Variants in ARHGEF10 observed in about 807,000 individuals in gnomAD.
The protein encoded by ARHGEF10 is Rho guanine nucleotide exchange factor (GEF) 10.
A neutral mutation model predicts 147.4 loss-of-function variants in ARHGEF10; 140 were observed. The observed-to-expected ratio is 0.95, with a 90% CI of 0.83 to 1.09. The LOEUF (loss-of-function observed/expected upper bound fraction) is 1.09. Among genes scored for constraint, ARHGEF10 ranks in the 50% least tolerant of loss-of-function variants. ARHGEF10 has a pLI of 0.00. For synonymous variants in ARHGEF10, 902 were observed against 695.8 expected (o/e 1.30, Z -4.67); for missense variants, 2,222 against 1,752.7 (o/e 1.27, Z -4.78).
At chr8:1,832,740 GCAGAGGCAGAGA>G (rs1803248558) in intron 1 of ARHGEF10, among the ~76,000 whole-genome samples, 1 of 28,818 alleles carries the variant, frequency 3.5e-5, no homozygotes, top group Admixed American at 4.1e-4. Flanking sequence ...AGAGGCAGAG[GCAGAGGCAGAGA>G]CAGAGACAGA....
chr8:1,829,573 G>A (rs1286340786), intron 1 of ARHGEF10, among the ~76,000 whole-genome samples: 1 of 152,248 alleles, frequency 6.6e-6, no homozygotes, highest in Non-Finnish European at 1.5e-5. Flanking sequence ...CTGCCTCCAC[G>A]GAAGCCGCGG....
Position 1,905,802 on chromosome 8 carries a change from G to A in ARHGEF10, c.1967+86G>A, listed in dbSNP as rs113045973. On this transcript the variant is annotated intron_variant, in intron 17 of 28. Transcript: ENST00000349830. Reference sequence around the variant, plus strand: ...GCACATGCATGACTTTGTTAATTCTGTCACTCAGACTGAACTGGTTTTTTG... The same window carrying A: ...GCACATGCATGACTTTGTTAATTCTATCACTCAGACTGAACTGGTTTTTTG... 2.1e-5 allele frequency: 32 copies of A among 1,553,346 alleles called. No homozygotes were observed. The African/African-American group carries it at 2.2e-4, about 10-fold the overall frequency.
At chr8:1,882,524 A>G in intron 9 of ARHGEF10, 111 bp from the exon 10 acceptor site, 2 of 920,044 alleles carry the variant, frequency 2.2e-6, no homozygotes, top group Admixed American at 2.0e-5. Flanking sequence ...CACGTGACAC[A>G]TGCGCTCACA....
chr8:1,825,920 GATTA>G, intron 1 of ARHGEF10: 1 of 612,248 alleles, frequency 1.6e-6, no homozygotes, highest in South Asian at 2.0e-5. Context: ...CACTGTTGCT[GATTA>G]ATAATATGTT....
Position 1,840,724 on chromosome 8 carries a change from C to T in ARHGEF10, c.-47-2629C>T, listed in dbSNP as rs182924859. On this transcript the variant is annotated intron_variant, in intron 1 of 28. Coordinates refer to ENST00000349830, the MANE Select transcript of ARHGEF10 (RefSeq NM_014629.4). ...TTCCTCCCATGAGCGTCATTCCCTA[C>T]ATTCACTGTTGTGGTCCAAGCATGT... Among the ~76,000 whole-genome samples the T allele has an allele frequency of 5.9e-4, 90 of 152,264 alleles. 1 individual carries two copies. Among genetic ancestry groups the T allele is most frequent in the Middle Eastern group, 3.4e-3 (1 of 294 alleles).
chr8:1,956,720 G>A, intron 28 of ARHGEF10, 29 bp from the exon 29 acceptor site: 1 of 1,613,406 alleles, frequency 6.2e-7, no homozygotes, highest in African/African-American at 1.3e-5. Flanking sequence ...TATTTTAAAA[G>A]ACAGCTGTTG....
At chr8:1,844,076 G>T (rs1003317288) in intron 2 of ARHGEF10, among the ~76,000 whole-genome samples, 16 of 152,228 alleles carry the variant, frequency 1.1e-4, no homozygotes, top group Non-Finnish European at 1.8e-4. Flanking sequence ...CCTGGCCTAG[G>T]TCCTCCCGGG....
intron 11 of ARHGEF10, among the ~76,000 whole-genome samples, chr8:1,890,083 A>G (rs1476797959): frequency 1.4e-5 from 2 of 145,238 alleles, no homozygotes; most frequent in Non-Finnish European, 3.0e-5. Context: ...GTGTGGTGTG[A>G]GGGGTCTGTG....
chr8:1,839,953 G>C (rs1158890928), intron 1 of ARHGEF10, among the ~76,000 whole-genome samples: 1 of 138,526 alleles, frequency 7.2e-6, no homozygotes, highest in African/African-American at 2.9e-5. Flanking sequence ...GGACTGTCCG[G>C]TGTGGAAGCT....
chr8:1,888,128 G>A (rs1241183788), intron 11 of ARHGEF10, among the ~76,000 whole-genome samples: 1 of 78,292 alleles, frequency 1.3e-5, no homozygotes, highest in Non-Finnish European at 2.3e-5. Context: ...GTGGGGTGAG[G>A]GTTTGCGAGG....
chr8:1,956,961 G>A lies in ARHGEF10; in HGVS notation c.3733G>A (p.Asp1245Asn). Residue 1245 changes from aspartate (D) to asparagine (N), a missense_variant, in exon 29 of 29, where the codon GAT becomes AAT. Asp to Asn is a conservative substitution (Grantham distance 23). Coordinates refer to ENST00000349830, the MANE Select transcript of ARHGEF10 (RefSeq NM_014629.4). ...CCCTGACGCAGCCATCTGGTTGGGA[G>A]ATTCGCTGGGATCGATGACTCAGAA... ...GDPDAAIWLGDSLGSMTQKSD... is the reference protein window; with the variant it reads ...GDPDAAIWLGNSLGSMTQKSD... The A allele has an allele frequency of 1.2e-6, 2 of 1,614,160 alleles. No individual in the cohort carries two copies. The highest frequency in any genetic ancestry group is 1.7e-6 in the Non-Finnish European group (2 of 1,180,024).
chr8:1,861,530 T>C (rs1456089038), intron 4 of ARHGEF10, among the ~76,000 whole-genome samples: 1 of 152,232 alleles, frequency 6.6e-6, no homozygotes, highest in Non-Finnish European at 1.5e-5. Context: ...TCATGGGATG[T>C]TCCTCTAATG....
chr8:1,882,043 G>T (rs1808243784), intron 9 of ARHGEF10, among the ~76,000 whole-genome samples: 1 of 152,206 alleles, frequency 6.6e-6, no homozygotes, highest in African/African-American at 2.4e-5. Context: ...GGAGCCCCAG[G>T]CCAGGGGGAC....
At chr8:1,928,086 A>G (rs1484611939) in intron 23 of ARHGEF10, among the ~76,000 whole-genome samples, 2 of 152,244 alleles carry the variant, frequency 1.3e-5, no homozygotes, top group Admixed American at 6.5e-5. Flanking sequence ...TAAGTTATTA[A>G]AATTGATAAT....
At chr8:1,868,406 G>C (rs932625610) in intron 6 of ARHGEF10, among the ~76,000 whole-genome samples, 1 of 152,212 alleles carries the variant, frequency 6.6e-6, no homozygotes, top group Admixed American at 6.5e-5. Flanking sequence ...TAGTCAATGA[G>C]TGGAACCTCG....
Position 1,947,704 on chromosome 8 carries a change from C to T in ARHGEF10, c.3397+2049C>T, listed in dbSNP as rs1217527632. 2.7e-5 allele frequency among the ~76,000 whole-genome samples: 4 copies of T among 145,514 alleles called. No homozygotes were observed. In the East Asian group the frequency reaches 6.4e-4, roughly 23 times the overall value. ...ACCCCGCATTCAGCACCCACCCTCT[C>T]ATCCCAGCATCCCACCCACTGTCAG... On this transcript the variant is annotated intron_variant, in intron 27 of 28. Transcript: ENST00000349830.
rs1563137406 is a variant in ARHGEF10 at position 1,824,026 on chromosome 8, G to GACGCGGGGGACGGCGGGGA, written c.-132_-131insCGGGGGACGGCGGGGAACG. On this transcript the variant is annotated 5_prime_UTR_variant, in exon 1 of 29. Transcript: ENST00000349830. The stretch of plus-strand genomic sequence containing the variant: ...CGGGGGACGGCGGGGAACGGCGGGG[G>GACGCGGGGGACGGCGGGGA]ACGGCGGGGAACAGCGGGGGACGGC... 10 of 119,490 alleles carry GACGCGGGGGACGGCGGGGA rather than the reference G, an allele frequency of 8.4e-5. No individual in the cohort carries two copies. Among genetic ancestry groups the GACGCGGGGGACGGCGGGGA allele is most frequent in the Non-Finnish European group, 1.8e-4 (10 of 56,772 alleles). The allele number at this position is 119,490 out of a possible 1,614,324, so 7.4% of individuals were successfully genotyped here.
chr8:1,851,915 A>C (rs1805182729), intron 2 of ARHGEF10, among the ~76,000 whole-genome samples: 1 of 48,804 alleles, frequency 2.0e-5, no homozygotes, highest in Non-Finnish European at 7.7e-5. Context: ...CTCTGTCTCA[A>C]AAAAAAAAAA....
chr8:1,830,997 G>A (rs563286609), intron 1 of ARHGEF10, among the ~76,000 whole-genome samples: 5 of 152,376 alleles, frequency 3.3e-5, no homozygotes, highest in Admixed American at 2.6e-4. Flanking sequence ...ACAGCAGGTC[G>A]GCCAGGGCTG....
Sources: allele counts gnomAD v4.1 joint callset (sites outside exome capture counted in the v4.1 genomes callset), GRCh38; gene constraint gnomAD v4.1.1; transcripts MANE v1.5; gene names NCBI Gene and HGNC (gene_info 2026-07-23, HGNC 2026-07-21).